Variants in COL14A1 observed in about 807,000 individuals in gnomAD.
The protein encoded by COL14A1 is collagen type XIV alpha 1 chain, also known as collagen alpha-1(XIV) chain.
Under a neutral mutation model 230.3 loss-of-function variants are expected in COL14A1, and 136 were observed. That is an observed-to-expected ratio of 0.59 (90% CI 0.51 to 0.68). COL14A1 has a LOEUF of 0.68. Ranked by LOEUF, COL14A1 falls within the 30% of genes least tolerant of loss-of-function variation. COL14A1 has a pLI of 0.00. For synonymous variants in COL14A1, 792 were observed against 784.1 expected (o/e 1.01, Z -0.17); for missense variants, 1,976 against 2,215.8 (o/e 0.89, Z 2.17).
At chr8:120,188,761 A>C (rs1353832345) in intron 5 of COL14A1, among the ~76,000 whole-genome samples, 1 of 152,190 alleles carries the variant, frequency 6.6e-6, no homozygotes, top group Non-Finnish European at 1.5e-5. Flanking sequence ...TGCAGACAAA[A>C]AGGATTTATG....
intron 36 of COL14A1, among the ~76,000 whole-genome samples, chr8:120,306,309 T>C (rs1464444354): frequency 6.6e-6 from 1 of 152,038 alleles, no homozygotes; most frequent in African/African-American, 2.4e-5. Flanking sequence ...AACTTTCTAA[T>C]GGGGAGAAGC....
chr8:120,367,683 C>A (rs938490871), intron 46 of COL14A1, among the ~76,000 whole-genome samples: 7 of 151,806 alleles, frequency 4.6e-5, no homozygotes, highest in Non-Finnish European at 1.0e-4. Flanking sequence ...CTCCTGTAAG[C>A]CCAGCGTTTT....
chr8:120,177,640 C>T (rs1248909272), intron 5 of COL14A1, among the ~76,000 whole-genome samples: 5 of 100,908 alleles, frequency 5.0e-5, no homozygotes, highest in Non-Finnish European at 1.8e-5. Flanking sequence ...CAGAGCGAGA[C>T]TTTGCCTGCT....
chr8:120,270,061 G>A lies in COL14A1; in HGVS notation c.3100G>A (p.Val1034Ile), dbSNP rs763455754. The change falls in exon 26 of 48, where the codon GTA (valine) becomes ATA (isoleucine). Residue 1034 changes from valine to isoleucine, a missense_variant. Transcript: ENST00000297848. ...ATGTAAGGCGGCCAAGGCTGACCTG[G>A]TATTTATGGTGGATGGATCCTGGAG... The part of the protein sequence containing the change: ...EVCKAAKADL[V>I]FMVDGSWSIG... 5 of 1,611,282 alleles carry A rather than the reference G, an allele frequency of 3.1e-6. No individual in the cohort carries two copies. The highest frequency in any genetic ancestry group is 4.2e-6 in the Non-Finnish European group (5 of 1,178,274).
At chr8:120,318,158 A>G (rs1460836882) in intron 40 of COL14A1, among the ~76,000 whole-genome samples, 1 of 152,190 alleles carries the variant, frequency 6.6e-6, no homozygotes, top group African/African-American at 2.4e-5. Flanking sequence ...TGAGGGAAGG[A>G]CCACATATTT....
chr8:120,333,557 T>A (rs866537891), intron 42 of COL14A1, among the ~76,000 whole-genome samples: 2 of 152,200 alleles, frequency 1.3e-5, no homozygotes, highest in South Asian at 2.1e-4. Flanking sequence ...AGCAGTGAAA[T>A]CCAATGGATG....
intron 18 of COL14A1, among the ~76,000 whole-genome samples, chr8:120,229,032 C>A (rs1272310864): frequency 6.6e-6 from 1 of 151,890 alleles, no homozygotes; most frequent in Non-Finnish European, 1.5e-5. Context: ...TGCACCTTAC[C>A]TGGGATGTTA....
rs1284098757 is a variant in COL14A1 at position 120,207,094 on chromosome 8, G to A, written c.1191G>A (p.Glu397=). ...CTACCAGGGGTGGAAAACCAGACGA[G>A]GTAATAAGGAGAGAGTATTTTCAAA... ...YYPTRGGKPD[E]VVVDGTVSST... is the part of the protein sequence containing the mutation. Residue 397 remains glutamate, a splice_region_variant and synonymous_variant, in exon 10 of 48, where the codon GAG becomes GAA. Coordinates refer to ENST00000297848, the MANE Select transcript of COL14A1 (RefSeq NM_021110.4). 2.5e-6 allele frequency: 4 copies of A among 1,608,736 alleles called. No individual in the cohort carries two copies. Among genetic ancestry groups the A allele is most frequent in the Non-Finnish European group, 2.5e-6 (3 of 1,178,148 alleles).
intron 21 of COL14A1, among the ~76,000 whole-genome samples, chr8:120,249,670 C>T (rs369437917): frequency 4.6e-5 from 7 of 152,152 alleles, no homozygotes; most frequent in East Asian, 1.9e-4. Context: ...ATCTAATGGG[C>T]ACTCCTAAAC....
intron 5 of COL14A1, among the ~76,000 whole-genome samples, chr8:120,195,547 T>C (rs943814982): frequency 6.6e-6 from 1 of 152,108 alleles, no homozygotes; most frequent in Non-Finnish European, 1.5e-5. Context: ...TACTCGAGAC[T>C]GGGTAATTTA....
In COL14A1 at chr8:120,270,029, C is replaced by G. The variant is rs768394539; in HGVS notation, c.3074-6C>G. 1.6e-5 allele frequency: 25 copies of G among 1,610,056 alleles called. No individual in the cohort carries two copies. The highest frequency in any genetic ancestry group is 2.2e-5 in the East Asian group (1 of 44,822). On this transcript the variant is annotated splice_polypyrimidine_tract_variant and splice_region_variant and intron_variant, in intron 25 of 47. Transcript: ENST00000297848. Reference sequence around the variant, plus strand: ...CTCTGACTCAAAATTCATTGTTGGTCTTCAGTATGTAAGGCGGCCAAGGCT... The same window carrying G: ...CTCTGACTCAAAATTCATTGTTGGTGTTCAGTATGTAAGGCGGCCAAGGCT...
chr8:120,349,887 G>A (rs551765269), intron 45 of COL14A1, among the ~76,000 whole-genome samples: 2,805 of 145,966 alleles, frequency 0.019, 82 homozygotes, highest in African/African-American at 0.065. Context: ...TACAGAGAAC[G>A]CTACAAAGAT....
At chr8:120,293,049 A>G (rs1301548500) in intron 34 of COL14A1, among the ~76,000 whole-genome samples, 1 of 152,054 alleles carries the variant, frequency 6.6e-6, no homozygotes, top group South Asian at 2.1e-4. Flanking sequence ...TCTCCTTTCC[A>G]AACTTTTTTC....
intron 34 of COL14A1, among the ~76,000 whole-genome samples, chr8:120,295,467 A>C (rs917322335): frequency 1.3e-5 from 2 of 151,858 alleles, no homozygotes; most frequent in Non-Finnish European, 2.9e-5. Context: ...GATATATGCA[A>C]AGTGCTTAGG....
At chr8:120,140,183 C>T (rs1035046247) in intron 1 of COL14A1, among the ~76,000 whole-genome samples, 2 of 152,238 alleles carry the variant, frequency 1.3e-5, no homozygotes, top group African/African-American at 2.4e-5. Context: ...GTGGCTTCCT[C>T]ACTCACAATT....
chr8:120,184,905 A>G (rs1816598829), intron 5 of COL14A1, among the ~76,000 whole-genome samples: 1 of 152,194 alleles, frequency 6.6e-6, no homozygotes, highest in African/African-American at 2.4e-5. Flanking sequence ...GTCTACCAAA[A>G]TCAGTCAGAA....
At position 120,181,063 on chromosome 8, in the gene COL14A1, G is replaced by C. The variant is rs76783359; in HGVS notation, c.436+12816G>C. ...AAACATCTCAAGAACAGTTTTGATT[G>C]GTCCAGCTCTTGTGCCCATCTCTGA... On this transcript the variant is annotated intron_variant, in intron 5 of 47. Coordinates refer to ENST00000297848, the MANE Select transcript of COL14A1 (RefSeq NM_021110.4). Among the ~76,000 whole-genome samples, 1,182 of 152,198 alleles carry C rather than the reference G, an allele frequency of 7.8e-3. 15 individuals are homozygous for C. Among genetic ancestry groups the C allele is most frequent in the African/African-American group, 0.027 (1,118 of 41,526 alleles).
Position 120,270,043 on chromosome 8 carries a change from G to A in COL14A1, c.3082G>A (p.Ala1028Thr), listed in dbSNP as rs772058846. The part of the protein sequence containing the change: ...TIPPAKEVCK[A>T]AKADLVFMVD... ...TCATTGTTGGTCTTCAGTATGTAAG[G>A]CGGCCAAGGCTGACCTGGTATTTAT... Residue 1028 changes from alanine to threonine, a missense_variant, in exon 26 of 48, where the codon GCG becomes ACG. Physicochemically the swap from Ala to Thr is moderately conservative, Grantham distance 58 (BLOSUM62 0). This residue lies in a region of COL14A1 where 1,791 missense variants were observed against 2,019.5 expected (regional missense o/e 0.89). Coordinates refer to ENST00000297848, the MANE Select transcript of COL14A1 (RefSeq NM_021110.4). 16 of 1,610,874 alleles carry A rather than the reference G, an allele frequency of 9.9e-6. No individual in the cohort carries two copies. Among genetic ancestry groups the A allele is most frequent in the Non-Finnish European group, 1.4e-5 (16 of 1,177,978 alleles).
At position 120,280,762 on chromosome 8, in the gene COL14A1, A is replaced by G. The variant is rs1820008746; in HGVS notation, c.3685+13A>G. The stretch of plus-strand genomic sequence containing the variant: ...ATTGATCTTGCAGGTATGCATTATC[A>G]CAATCTTTTCAAACACAAAATATAT... On this transcript the variant is annotated intron_variant, in intron 30 of 47. Coordinates refer to ENST00000297848, the MANE Select transcript of COL14A1 (RefSeq NM_021110.4). The G allele has an allele frequency of 1.2e-6, 2 of 1,612,350 alleles. No homozygotes were observed. Among genetic ancestry groups the G allele is most frequent in the African/African-American group, 1.3e-5 (1 of 74,868 alleles).
Sources: gnomAD v4.1 joint callset for allele counts (sites outside exome capture counted in the v4.1 genomes callset) on GRCh38, gnomAD v4.1.1 for gene constraint, gnomAD v4.1.1 regional missense constraint, MANE v1.5 for transcripts, NCBI Gene and HGNC (gene_info 2026-07-23, HGNC 2026-07-21) for gene names.